ENKUR: variants seen among roughly 807,000 people sequenced by gnomAD.
The protein encoded by ENKUR is enkurin.
ENKUR carries 19 observed loss-of-function variants against 27.6 expected under a neutral mutation model. The observed-to-expected ratio is 0.69, with a 90% CI of 0.48 to 1.01. ENKUR has a LOEUF of 1.01. Among genes scored for constraint, ENKUR ranks in the 50% least tolerant of loss-of-function variants. The pLI is 0.00. For synonymous variants in ENKUR, 117 were observed against 96.9 expected (o/e 1.21, Z -1.22); for missense variants, 312 against 310.5 (o/e 1.00, Z -0.04).
At chr10:25,045,060 A>G (rs1015979897) in intron 2 of ENKUR, among the ~76,000 whole-genome samples, 2 of 152,240 alleles carry the variant, frequency 1.3e-5, no homozygotes, top group African/African-American at 4.8e-5. Flanking sequence ...AGATGAATAC[A>G]TATGGACCTC....
intron 2 of ENKUR, among the ~76,000 whole-genome samples, chr10:24,996,890 T>C (rs1468945898): frequency 6.6e-6 from 1 of 152,166 alleles, no homozygotes. Flanking sequence ...GAAAGGTCTT[T>C]AAAGAGGTAA....
chr10:24,992,321 T>C (rs1318269731), intron 3 of ENKUR, among the ~76,000 whole-genome samples: 2 of 152,102 alleles, frequency 1.3e-5, no homozygotes, highest in Non-Finnish European at 2.9e-5. Flanking sequence ...AAGAAAATAA[T>C]AGGGGCTATT....
At chr10:25,026,555 T>G (rs1471570294) in intron 2 of ENKUR, 9 of 166,820 alleles carry the variant, frequency 5.4e-5, no homozygotes, top group Admixed American at 2.6e-4. Context: ...TGCACACAAC[T>G]GATACACATA....
chr10:25,058,209 T>C lies in ENKUR; in HGVS notation c.37+2903A>G, dbSNP rs1348149637. 3.3e-5 allele frequency among the ~76,000 whole-genome samples: 5 copies of C among 152,026 alleles called. No homozygotes were observed. The South Asian group carries it at 1.0e-3, about 32-fold the overall frequency. On this transcript the variant is annotated intron_variant, in intron 2 of 5. Coordinates refer to the ENKUR transcript ENST00000615958. ...TCAATTTTTGGTGTTTTTGTTGTTG[T>C]TGTTTTGGCTTGGTTTGAGACAGAG...
intron 1 of ENKUR, among the ~76,000 whole-genome samples, chr10:25,012,642 C>T (rs969284252): frequency 6.6e-6 from 1 of 152,206 alleles, no homozygotes; most frequent in East Asian, 1.9e-4. Flanking sequence ...TGGCCAATTT[C>T]TGCTATTTCG....
At chr10:25,023,922 A>T (rs752149226) in intron 2 of ENKUR, 2 of 1,614,094 alleles carry the variant, frequency 1.2e-6, no homozygotes, top group Admixed American at 3.3e-5. Context: ...CATTCATTTC[A>T]ACAAGACACG....
upstream of ENKUR, among the ~76,000 whole-genome samples, chr10:25,017,942 A>T (rs1564346647): frequency 6.6e-6 from 1 of 152,220 alleles, no homozygotes; most frequent in Non-Finnish European, 1.5e-5. Flanking sequence ...GCTAAAGCTT[A>T]TGAATTTTCT....
At chr10:24,989,480 G>A (rs1365905102) in intron 4 of ENKUR, among the ~76,000 whole-genome samples, 1 of 152,134 alleles carries the variant, frequency 6.6e-6, no homozygotes, top group African/African-American at 2.4e-5. Flanking sequence ...TAGTGCCTTG[G>A]AACCTTATGA....
In ENKUR at chr10:24,995,879, A is replaced by G. The variant is rs1291647892; in HGVS notation, c.224-10T>C. 6.3e-7 allele frequency: 1 copy of G among 1,591,156 alleles called. No individual in the cohort carries two copies. The highest frequency in any genetic ancestry group is 8.5e-7 in the Non-Finnish European group (1 of 1,171,446). On this transcript the variant is annotated splice_polypyrimidine_tract_variant and intron_variant, in intron 2 of 5. Coordinates refer to ENST00000331161, the MANE Select transcript of ENKUR (RefSeq NM_145010.4). The stretch of plus-strand genomic sequence containing the variant: ...CGATCAAAGTTTTTTTCTGTTAAAT[A>G]TAACATTTCTTTGTTAATATTAAAC...
At chr10:25,030,090 T>C (rs1187699122) in intron 2 of ENKUR, among the ~76,000 whole-genome samples, 2 of 152,214 alleles carry the variant, frequency 1.3e-5, no homozygotes, top group Non-Finnish European at 2.9e-5. Context: ...GTGCCTTTCC[T>C]GTTTTAAGGC....
rs1290022088 is a variant in ENKUR at position 24,984,114 on chromosome 10, C to T, written c.*256G>A. On this transcript the variant is annotated 3_prime_UTR_variant, in exon 6 of 6. Coordinates refer to ENST00000331161, the MANE Select transcript of ENKUR (RefSeq NM_145010.4). Reference sequence around the variant, plus strand: ...CCTCAATGATGCCTTTATAAGTTGTCATCTTGATTTTGTAAGTTGTCTTCT... The same window carrying T: ...CCTCAATGATGCCTTTATAAGTTGTTATCTTGATTTTGTAAGTTGTCTTCT... 1 of 402,932 alleles carries T rather than the reference C, an allele frequency of 2.5e-6. No homozygotes were observed. The highest frequency in any genetic ancestry group is 2.0e-5 in the African/African-American group (1 of 49,074). 25.0% of individuals were successfully genotyped at this position (402,932 alleles called of 1,614,324 possible).
chr10:25,010,666 T>A (rs2132719183), intron 1 of ENKUR, among the ~76,000 whole-genome samples: 1 of 145,548 alleles, frequency 6.9e-6, no homozygotes, highest in East Asian at 2.3e-4. Flanking sequence ...CATTGTTCAA[T>A]TCCCATCTAT....
intron 2 of ENKUR, among the ~76,000 whole-genome samples, chr10:25,031,164 C>G (rs7913853): frequency 0.24 from 36,982 of 152,082 alleles, 5,592 homozygotes; most frequent in East Asian, 0.5. Flanking sequence ...AGTGATACCT[C>G]CCAAACCTTA....
chr10:25,025,662 G>A, intron 2 of ENKUR: 1 of 558,210 alleles, frequency 1.8e-6, no homozygotes, highest in Non-Finnish European at 3.2e-6. Context: ...AGGTAACACA[G>A]TGCACGGACC....
At chr10:25,004,521 T>C (rs1257370317) in intron 1 of ENKUR, among the ~76,000 whole-genome samples, 1 of 152,236 alleles carries the variant, frequency 6.6e-6, no homozygotes, top group Non-Finnish European at 1.5e-5. Flanking sequence ...TCAGTGATGT[T>C]AAGCTTTTCT....
chr10:25,010,084 A>T (rs898671786), intron 1 of ENKUR, among the ~76,000 whole-genome samples: 9 of 152,190 alleles, frequency 5.9e-5, no homozygotes, highest in Non-Finnish European at 1.2e-4. Context: ...AGGGCTCAGA[A>T]GGGGACAGAA....
At chr10:25,006,242 G>C (rs1206864085) in intron 1 of ENKUR, among the ~76,000 whole-genome samples, 1 of 152,088 alleles carries the variant, frequency 6.6e-6, no homozygotes, top group African/African-American at 2.4e-5. Context: ...TGGAACACTG[G>C]TCTATAATGA....
chr10:25,036,781 T>C (rs1851013875), intron 2 of ENKUR, among the ~76,000 whole-genome samples: 1 of 152,214 alleles, frequency 6.6e-6, no homozygotes, highest in African/African-American at 2.4e-5. Context: ...GTAATCTCCC[T>C]ACCACATAGA....
At position 24,999,288 on chromosome 10, in the gene ENKUR, A is replaced by G. The variant is rs940761263; in HGVS notation, c.223+113T>C. On this transcript the variant is annotated intron_variant, in intron 2 of 5. Transcript: ENST00000331161. ...TTCTCCTAGTCAAATTCTGTTTAAT[A>G]TGAGGTAAAGCTGCTATCACCTGTG... 3.9e-6 allele frequency: 4 copies of G among 1,020,834 alleles called. No homozygotes were observed. In the African/African-American group the frequency reaches 4.9e-5, roughly 13 times the overall value. The allele number at this position is 1,020,834 out of a possible 1,614,324, so 63.2% of individuals were successfully genotyped here.
Sources: allele counts gnomAD v4.1 joint callset (sites outside exome capture counted in the v4.1 genomes callset), GRCh38; gene constraint gnomAD v4.1.1; transcripts MANE v1.5; gene names NCBI Gene and HGNC (gene_info 2026-07-23, HGNC 2026-07-21).